PCNX2: variants seen among roughly 807,000 people sequenced by gnomAD.
PCNX2 encodes pecanex 2.
In PCNX2, 168 loss-of-function variants were observed where a neutral mutation model predicts 223.8. The ratio of observed to expected loss-of-function variants is 0.75; its 90% CI spans 0.66 to 0.85. The LOEUF is 0.85. Ranked by LOEUF, PCNX2 falls within the 40% of genes least tolerant of loss-of-function variation. The pLI, the probability that PCNX2 is intolerant of heterozygous loss-of-function variation, is 0.00. For synonymous variants in PCNX2, 1,006 were observed against 1,052.6 expected (o/e 0.96, Z 0.86); for missense variants, 2,507 against 2,675.5 (o/e 0.94, Z 1.39).
At position 233,253,857 on chromosome 1, in the gene PCNX2, C is replaced by T. The variant is rs1380065732; in HGVS notation, c.1835-1069G>A. 6.6e-6 allele frequency among the ~76,000 whole-genome samples: 1 copy of T among 152,104 alleles called. No individual in the cohort carries two copies. The highest frequency in any genetic ancestry group is 1.5e-5 in the Non-Finnish European group (1 of 68,016). ...TTATGCAAAATGGACTGCATATGTC[C>T]CTGAGGATCAGCCCTTCCTTTTCTG... On this transcript the variant is annotated intron_variant, in intron 5 of 33. Coordinates refer to ENST00000258229, the MANE Select transcript of PCNX2 (RefSeq NM_014801.4). The surrounding 1 kb of genome is among the most constrained non-coding windows in gnomAD (Gnocchi z 4.2).
chr1:233,269,895 A>G lies in PCNX2; in HGVS notation c.154-6732T>C, dbSNP rs553627670. Among the ~76,000 whole-genome samples the G allele has an allele frequency of 9.2e-5, 14 of 152,328 alleles. No individual in the cohort carries two copies. The South Asian group carries it at 2.9e-3, about 32-fold the overall frequency. On this transcript the variant is annotated intron_variant, in intron 1 of 33. Transcript: ENST00000258229. ...TCCTACTCAAGCTGCTGGAAGACTG[A>G]CAAGTTCTACAACTATTTGAAAACC...
chr1:233,023,985 T>C (rs1284169306), intron 26 of PCNX2, among the ~76,000 whole-genome samples: 1 of 152,208 alleles, frequency 6.6e-6, no homozygotes, highest in Non-Finnish European at 1.5e-5. Flanking sequence ...CAATCACAGC[T>C]CACTGCAGCC....
intron 21 of PCNX2, among the ~76,000 whole-genome samples, chr1:233,103,687 T>C (rs1446816068): frequency 6.6e-6 from 1 of 152,196 alleles, no homozygotes; most frequent in Admixed American, 6.5e-5. Flanking sequence ...TACCTATTGA[T>C]GGACACCTCA....
At chr1:233,274,528 A>C (rs1029235799) in intron 1 of PCNX2, among the ~76,000 whole-genome samples, 4 of 152,238 alleles carry the variant, frequency 2.6e-5, no homozygotes, top group African/African-American at 9.6e-5. Context: ...TACCAAGTTC[A>C]AAAGTCAAGC....
intron 21 of PCNX2, among the ~76,000 whole-genome samples, chr1:233,130,172 C>CCGAACAT (rs1428843574): frequency 1.3e-5 from 2 of 152,238 alleles, no homozygotes; most frequent in South Asian, 2.1e-4. Flanking sequence ...CCGAACACAT[C>CCGAACAT]CGAACATCGG....
Position 233,276,058 on chromosome 1 carries a change from G to A in PCNX2, c.154-12895C>T, listed in dbSNP as rs547297073. ...AAAAAAGAAAAAATAGACAAGGGGT[G>A]GAAACAACTCTAATGTCCTTCAACA... On this transcript the variant is annotated intron_variant, in intron 1 of 33. Coordinates refer to ENST00000258229, the MANE Select transcript of PCNX2 (RefSeq NM_014801.4). Among the ~76,000 whole-genome samples, 9 of 150,490 alleles carry A rather than the reference G, an allele frequency of 6.0e-5. No individual in the cohort carries two copies. The South Asian group carries it at 1.7e-3, about 29-fold the overall frequency.
At position 232,999,143 on chromosome 1, in the gene PCNX2, CA is replaced by C. The variant is rs1210247309; in HGVS notation, c.5564del (p.Leu1855TrpfsTer13). ...TCCAGAACCAGGTCCTAATTCTGTC[CA>C]AAGTGATGGGTCCACCCCAGATGTT... ...LKNIWGGPIT[L>X]DRIRTWFWTK... On this transcript the variant is annotated frameshift_variant, in exon 31 of 34. Coordinates refer to ENST00000258229, the MANE Select transcript of PCNX2 (RefSeq NM_014801.4). LOFTEE classifies it high-confidence loss of function. 1 of 1,613,606 alleles carries C rather than the reference CA, an allele frequency of 6.2e-7. No individual in the cohort carries two copies. Among genetic ancestry groups the C allele is most frequent in the East Asian group, 2.2e-5 (1 of 44,854 alleles).
chr1:233,096,754 T>A (rs566182980), intron 21 of PCNX2, among the ~76,000 whole-genome samples: 42 of 152,286 alleles, frequency 2.8e-4, no homozygotes, highest in African/African-American at 9.6e-4. Flanking sequence ...AGAAAAAATA[T>A]AATTTTTAAT....
intron 9 of PCNX2, among the ~76,000 whole-genome samples, chr1:233,232,151 A>T (rs932351563): frequency 6.6e-6 from 1 of 152,244 alleles, no homozygotes; most frequent in Admixed American, 6.5e-5. Context: ...AGCAGCCAAA[A>T]TTAATAACAA....
chr1:233,226,426 CA>C (rs1291317944), intron 10 of PCNX2, among the ~76,000 whole-genome samples: 13 of 152,086 alleles, frequency 8.5e-5, no homozygotes, highest in Non-Finnish European at 1.8e-4. Context: ...TGCACCACCA[CA>C]CCCGGCTAAT....
At chr1:233,192,515 A>G (rs1489505098) in intron 15 of PCNX2, among the ~76,000 whole-genome samples, 2 of 152,208 alleles carry the variant, frequency 1.3e-5, no homozygotes, top group Non-Finnish European at 2.9e-5. Flanking sequence ...TCTCACTGCG[A>G]AATGAGGAAA....
At chr1:233,132,188 C>A (rs1307745653) in intron 21 of PCNX2, among the ~76,000 whole-genome samples, 1 of 152,122 alleles carries the variant, frequency 6.6e-6, no homozygotes, top group Admixed American at 6.5e-5. Context: ...AATCCACCCT[C>A]CTGACTTCAG....
intron 21 of PCNX2, among the ~76,000 whole-genome samples, chr1:233,100,917 C>T (rs1157341648): frequency 1.3e-5 from 2 of 152,170 alleles, no homozygotes; most frequent in African/African-American, 2.4e-5. Flanking sequence ...TCTTTCTCAG[C>T]TTCAGTTAAT....
chr1:232,988,984 G>A (rs898717583), intron 32 of PCNX2, among the ~76,000 whole-genome samples: 3 of 152,186 alleles, frequency 2.0e-5, no homozygotes, highest in African/African-American at 7.2e-5. Context: ...AGGCAGGAGG[G>A]ACCCCAGTCC....
At chr1:233,011,979 G>A (rs1333748362) in intron 28 of PCNX2, among the ~76,000 whole-genome samples, 5 of 152,110 alleles carry the variant, frequency 3.3e-5, no homozygotes, top group Non-Finnish European at 7.4e-5. Context: ...AGACTTGTGG[G>A]CCTCAACCTT....
At chr1:233,119,042 A>G (rs1675595016) in intron 21 of PCNX2, among the ~76,000 whole-genome samples, 1 of 152,220 alleles carries the variant, frequency 6.6e-6, no homozygotes, top group Non-Finnish European at 1.5e-5. Flanking sequence ...GCACTCAGAA[A>G]TATACTCACA....
intron 25 of PCNX2, 31 bp downstream of exon 25, chr1:233,054,237 T>G (rs1672108600): frequency 1.9e-6 from 3 of 1,593,628 alleles, no homozygotes; most frequent in Non-Finnish European, 2.6e-6. Context: ...CAACCAACTT[T>G]CAACAGTTTC....
Position 233,135,171 on chromosome 1 carries a change from T to C in PCNX2, c.3679A>G (p.Ile1227Val), listed in dbSNP as rs749875751. 10 of 1,613,450 alleles carry C rather than the reference T, an allele frequency of 6.2e-6. No individual in the cohort carries two copies. The South Asian group carries it at 9.9e-5, about 16-fold the overall frequency. The change falls in exon 21 of 34, where the codon ATC (isoleucine) becomes GTC (valine). Residue 1227 changes from isoleucine (I) to valine (V), a missense_variant. Transcript: ENST00000258229. ...LGTHWDIFLM[I>V]IAGMKLLRTS... ...CGCAACAGCTTCATGCCAGCAATGATCATCAGAAAAATGTCCCAGCTGTTG... is the reference window on the plus strand; with the variant it reads ...CGCAACAGCTTCATGCCAGCAATGACCATCAGAAAAATGTCCCAGCTGTTG...
intron 21 of PCNX2, among the ~76,000 whole-genome samples, chr1:233,133,541 T>C (rs1676629635): frequency 2.6e-5 from 4 of 152,050 alleles, no homozygotes; most frequent in Admixed American, 2.6e-4. Flanking sequence ...CACTGAAAAT[T>C]AGTGCCCAAT....
Sources: allele counts gnomAD v4.1 joint callset (sites outside exome capture counted in the v4.1 genomes callset), GRCh38; gene constraint gnomAD v4.1.1; non-coding constraint Gnocchi (gnomAD v3.1); transcripts MANE v1.5; gene names NCBI Gene and HGNC (gene_info 2026-07-23, HGNC 2026-07-21).